The following ERG variants were observed in gnomAD, a reference collection of about 807,000 sequenced individuals.
ERG encodes the protein transcriptional regulator ERG.
ERG carries 9 observed loss-of-function variants against 55.3 expected under a neutral mutation model. The observed-to-expected ratio is 0.16, with a 90% CI of 0.10 to 0.28. The LOEUF is 0.28. Ranked by LOEUF, ERG falls within the 10% of genes least tolerant of loss-of-function variation. ERG has a pLI of 1.00. For synonymous variants in ERG, 223 were observed against 237.3 expected (o/e 0.94, Z 0.55); for missense variants, 434 against 631.6 (o/e 0.69, Z 3.35).
chr21:38,597,559 T>G (rs2060139617), intron 1 of ERG, among the ~76,000 whole-genome samples: 1 of 151,748 alleles, frequency 6.6e-6, no homozygotes, highest in South Asian at 2.1e-4. Flanking sequence ...TGTTGGATCT[T>G]TCTGGAGCAC....
Position 38,456,566 on chromosome 21 carries a change from G to A in ERG, c.19-10945C>T, listed in dbSNP as rs1050152954. 6.0e-5 allele frequency among the ~76,000 whole-genome samples: 9 copies of A among 148,860 alleles called. No individual in the cohort carries two copies. The South Asian group carries it at 6.7e-4, about 11-fold the overall frequency. On this transcript the variant is annotated intron_variant, in intron 1 of 9. Transcript: ENST00000288319. ...TCCACTATTCACATGATGGTCCAGG[G>A]GTCTCCTTCTTTTGCTTTCTATCCC...
intron 2 of ERG, among the ~76,000 whole-genome samples, chr21:38,562,119 G>A (rs141312298): frequency 2.0e-3 from 304 of 152,244 alleles, no homozygotes; most frequent in Non-Finnish European, 3.6e-3. Flanking sequence ...CGAAACCAAC[G>A]TAGTGCATCT....
intron 2 of ERG, among the ~76,000 whole-genome samples, chr21:38,568,851 C>T (rs2059939452): frequency 6.6e-6 from 1 of 152,172 alleles, no homozygotes; most frequent in Admixed American, 6.5e-5. Flanking sequence ...TCATCAAGCA[C>T]CCGAGGGTCA....
At chr21:38,409,004 C>T (rs1988912472) in intron 3 of ERG, among the ~76,000 whole-genome samples, 2 of 152,082 alleles carry the variant, frequency 1.3e-5, no homozygotes, top group African/African-American at 2.4e-5. Context: ...AATTTCAGGA[C>T]CTGAGAAATG....
At chr21:38,565,302 C>T (rs1363014694) in intron 2 of ERG, among the ~76,000 whole-genome samples, 3 of 152,324 alleles carry the variant, frequency 2.0e-5, no homozygotes, top group East Asian at 1.9e-4. Context: ...CAACAGCCAA[C>T]ATGGTTCTTT....
At chr21:38,458,564 G>A (rs894571132) in intron 1 of ERG, among the ~76,000 whole-genome samples, 5 of 151,876 alleles carry the variant, frequency 3.3e-5, no homozygotes, top group Non-Finnish European at 5.9e-5. Flanking sequence ...ATGCACTTTC[G>A]CAATATTTAT....
At chr21:38,472,438 T>C (rs966437624) in intron 1 of ERG, among the ~76,000 whole-genome samples, 4 of 152,208 alleles carry the variant, frequency 2.6e-5, no homozygotes, top group Admixed American at 1.3e-4. Flanking sequence ...ACGGGACATA[T>C]TTTAGGATCA....
At chr21:38,539,091 G>A (rs1341760646) in intron 2 of ERG, among the ~76,000 whole-genome samples, 1 of 152,146 alleles carries the variant, frequency 6.6e-6, no homozygotes, top group Non-Finnish European at 1.5e-5. Flanking sequence ...TGAGCTGAAG[G>A]CACTTTAACG....
Position 38,381,754 on chromosome 21 carries a change from C to T in ERG, c.*1649G>A, listed in dbSNP as rs924536753. ...ATGACAACCCCAGCTTCATAGGCCT[C>T]TTTCCATTCCAGGCATAAATATGGA... On this transcript the variant is annotated 3_prime_UTR_variant, in exon 10 of 10. Transcript: ENST00000288319. The T allele has an allele frequency of 1.9e-6, 2 of 1,063,454 alleles. No homozygotes were observed. Among genetic ancestry groups the T allele is most frequent in the Non-Finnish European group, 2.3e-6 (2 of 878,182 alleles). 65.9% of individuals were successfully genotyped at this position (1,063,454 alleles called of 1,614,324 possible).
chr21:38,455,123 T>TTC (rs775540337), intron 1 of ERG, among the ~76,000 whole-genome samples: 4,662 of 143,916 alleles, frequency 0.032, 101 homozygotes, highest in Non-Finnish European at 0.037. Context: ...TCTTTCTTTT[T>TTC]TTTTTTTTTT....
intron 1 of ERG, among the ~76,000 whole-genome samples, chr21:38,497,854 A>T (rs1363884937): frequency 6.6e-6 from 1 of 152,198 alleles, no homozygotes; most frequent in Admixed American, 6.5e-5. Flanking sequence ...CCCACAAATC[A>T]AGTCAACATT....
chr21:38,559,776 G>C (rs1028133721), intron 2 of ERG, among the ~76,000 whole-genome samples: 3 of 152,118 alleles, frequency 2.0e-5, no homozygotes, highest in Non-Finnish European at 2.9e-5. Context: ...CTGCCTCCCG[G>C]GTTCAAGTGA....
Position 38,486,838 on chromosome 21 carries a change from C to A in ERG, c.18+11525G>T, listed in dbSNP as rs115184565. On this transcript the variant is annotated intron_variant, in intron 1 of 9. Transcript: ENST00000288319. The stretch of plus-strand genomic sequence containing the variant: ...AGCTGAAACTACAGGCAGCTGCCAG[C>A]ATGCCTGGTCTGCAATTTACATCTT... Among the ~76,000 whole-genome samples the A allele has an allele frequency of 4.7e-3, 715 of 152,256 alleles. 10 individuals are homozygous for A. Among genetic ancestry groups the A allele is most frequent in the African/African-American group, 0.016 (677 of 41,550 alleles).
chr21:38,401,624 TC>T (rs1319491923), intron 5 of ERG, among the ~76,000 whole-genome samples: 1 of 152,178 alleles, frequency 6.6e-6, no homozygotes, highest in East Asian at 1.9e-4. Context: ...TGAGGGCTGA[TC>T]GTGAGTTAAC....
chr21:38,402,727 A>G (rs1988562207), intron 4 of ERG, 90 bp from the exon 5 acceptor site: 6 of 798,312 alleles, frequency 7.5e-6, no homozygotes, highest in African/African-American at 5.4e-5. Context: ...AAAAAAAAAA[A>G]AAAAGAAAGA....
At chr21:38,651,496 T>C (rs1378446930) in intron 1 of ERG, among the ~76,000 whole-genome samples, 2 of 152,318 alleles carry the variant, frequency 1.3e-5, no homozygotes, top group South Asian at 2.1e-4. Context: ...TTTTGAAGAT[T>C]TCATATAGAA....
chr21:38,626,044 C>T (rs2060322716), intron 1 of ERG, among the ~76,000 whole-genome samples: 1 of 150,410 alleles, frequency 6.6e-6, no homozygotes, highest in Non-Finnish European at 1.5e-5. Context: ...GCCTCAAACT[C>T]CTGAGTAGCT....
intron 1 of ERG, among the ~76,000 whole-genome samples, chr21:38,473,086 G>A (rs896952448): frequency 6.7e-5 from 10 of 148,742 alleles, no homozygotes; most frequent in Non-Finnish European, 1.2e-4. Flanking sequence ...GTTCTGAGGT[G>A]TAGCAAGTTT....
At chr21:38,426,422 T>G (rs1989825431) in intron 2 of ERG, among the ~76,000 whole-genome samples, 1 of 152,188 alleles carries the variant, frequency 6.6e-6, no homozygotes, top group Non-Finnish European at 1.5e-5. Context: ...GTTAGAGGGA[T>G]TAGGTTCTTT....
Sources: gnomAD v4.1 joint callset for allele counts (sites outside exome capture counted in the v4.1 genomes callset) on GRCh38, gnomAD v4.1.1 for gene constraint, MANE v1.5 for transcripts, NCBI Gene and HGNC (gene_info 2026-07-23, HGNC 2026-07-21) for gene names.